Variants in CCDC102B observed in about 807,000 individuals in gnomAD.
CCDC102B encodes coiled-coil domain-containing protein 102B.
Under a neutral mutation model 57.4 loss-of-function variants are expected in CCDC102B, and 75 were observed. That is an observed-to-expected ratio of 1.31 (90% CI 1.08 to 1.58). CCDC102B has a LOEUF of 1.58. Among genes scored for constraint, CCDC102B ranks in the 40% most tolerant of loss-of-function variants. The pLI, the probability that CCDC102B is intolerant of heterozygous loss-of-function variation, is 0.00. For synonymous variants in CCDC102B, 206 were observed against 201.9 expected (o/e 1.02, Z -0.17); for missense variants, 636 against 582.6 (o/e 1.09, Z -0.94).
intron 1 of CCDC102B, among the ~76,000 whole-genome samples, chr18:68,834,208 G>C (rs2037266274): frequency 6.6e-6 from 1 of 151,938 alleles, no homozygotes; most frequent in Admixed American, 6.6e-5. Flanking sequence ...CAATGTACCA[G>C]AATCCAATTA....
intron 1 of CCDC102B, among the ~76,000 whole-genome samples, chr18:68,824,937 A>T (rs1200032615): frequency 6.6e-6 from 1 of 152,202 alleles, no homozygotes; most frequent in Non-Finnish European, 1.5e-5. Flanking sequence ...GCATAGAGAG[A>T]TAAATATATA....
chr18:69,036,075 G>A (rs1430018054), intron 7 of CCDC102B, among the ~76,000 whole-genome samples: 1 of 152,076 alleles, frequency 6.6e-6, no homozygotes, highest in African/African-American at 2.4e-5. Flanking sequence ...ATGGAAAGAT[G>A]TATTAAAATT....
intron 4 of CCDC102B, among the ~76,000 whole-genome samples, chr18:68,867,934 CA>C (rs113460287): frequency 4.8e-4 from 73 of 150,708 alleles, no homozygotes; most frequent in African/African-American, 1.7e-3. Context: ...GACTCCGTCT[CA>C]AAACAAAACA....
chr18:68,760,067 C>T (rs1223992749), intron 2 of CCDC102B, among the ~76,000 whole-genome samples: 1 of 152,054 alleles, frequency 6.6e-6, no homozygotes, highest in Admixed American at 6.6e-5. Context: ...CTTCCTTCTC[C>T]ATTCTACAGG....
At chr18:68,800,581 G>A (rs2035810178) in intron 1 of CCDC102B, among the ~76,000 whole-genome samples, 1 of 152,076 alleles carries the variant, frequency 6.6e-6, no homozygotes, top group Non-Finnish European at 1.5e-5. Context: ...CAAAGAAAAT[G>A]TCATCACTGA....
At chr18:68,730,546 G>A (rs1419305856) in intron 2 of CCDC102B, among the ~76,000 whole-genome samples, 1 of 152,202 alleles carries the variant, frequency 6.6e-6, no homozygotes, top group Non-Finnish European at 1.5e-5. Flanking sequence ...ACTTCTGTCT[G>A]CTGATAGATA....
intron 7 of CCDC102B, among the ~76,000 whole-genome samples, chr18:69,014,725 T>C (rs2051615064): frequency 1.3e-5 from 2 of 151,892 alleles, no homozygotes; most frequent in South Asian, 4.2e-4. Flanking sequence ...TGTGTGTGTA[T>C]TCTAAATTTA....
intron 6 of CCDC102B, among the ~76,000 whole-genome samples, chr18:68,948,746 A>T (rs2049609335): frequency 6.6e-6 from 1 of 152,104 alleles, no homozygotes. Flanking sequence ...TTTCTGTCAT[A>T]CATATTTAGT....
At chr18:68,735,726 C>T (rs1361604669) in intron 2 of CCDC102B, among the ~76,000 whole-genome samples, 2 of 152,172 alleles carry the variant, frequency 1.3e-5, no homozygotes, top group African/African-American at 4.8e-5. Context: ...TGCCCATATC[C>T]AGGACTCTTT....
At chr18:68,959,515 A>G (rs770315655) in intron 6 of CCDC102B, among the ~76,000 whole-genome samples, 3 of 152,082 alleles carry the variant, frequency 2.0e-5, no homozygotes, top group East Asian at 1.9e-4. Flanking sequence ...GTTATTGCCT[A>G]CATTCACTCA....
intron 1 of CCDC102B, among the ~76,000 whole-genome samples, chr18:68,832,214 G>A (rs1599532826): frequency 6.6e-6 from 1 of 152,124 alleles, no homozygotes; most frequent in Admixed American, 6.5e-5. Context: ...TCCTGCCATG[G>A]AAGTTTAACT....
At chr18:68,726,614 T>C (rs777706051) in intron 2 of CCDC102B, among the ~76,000 whole-genome samples, 2 of 152,226 alleles carry the variant, frequency 1.3e-5, no homozygotes, top group Non-Finnish European at 2.9e-5. Flanking sequence ...GCTAATTTTT[T>C]TGCAATATTA....
chr18:68,848,165 T>C (rs1051627803), intron 4 of CCDC102B, among the ~76,000 whole-genome samples: 37 of 152,040 alleles, frequency 2.4e-4, no homozygotes, highest in African/African-American at 8.9e-4. Context: ...AGAAATAGTA[T>C]TGTAGCACAA....
At chr18:68,814,713 T>A (rs1288837012) in intron 1 of CCDC102B, among the ~76,000 whole-genome samples, 1 of 152,080 alleles carries the variant, frequency 6.6e-6, no homozygotes, top group Non-Finnish European at 1.5e-5. Context: ...TCGATAAGAA[T>A]ACCTGGGTTT....
At chr18:68,912,849 A>T (rs780353390) in intron 6 of CCDC102B, among the ~76,000 whole-genome samples, 1 of 152,238 alleles carries the variant, frequency 6.6e-6, no homozygotes, top group Non-Finnish European at 1.5e-5. Flanking sequence ...CTTTACTCCA[A>T]AAGTCCATGA....
intron 2 of CCDC102B, among the ~76,000 whole-genome samples, chr18:68,728,916 G>A (rs1238066707): frequency 6.6e-6 from 1 of 151,672 alleles, no homozygotes; most frequent in East Asian, 1.9e-4. Context: ...TATTAATCAT[G>A]GATAAGGCAC....
chr18:69,055,062 G>A lies in CCDC102B; in HGVS notation c.*925G>A, dbSNP rs1003453787. ...TTTTCCATACCTATTTTCAACTGAA[G>A]GCAACTTGTAAGATTTAACTCAGTC... On this transcript the variant is annotated 3_prime_UTR_variant, in exon 8 of 8. Transcript: ENST00000360242. The A allele has an allele frequency of 2.0e-5, 20 of 983,060 alleles. No individual in the cohort carries two copies. The African/African-American group carries it at 3.3e-4, about 16-fold the overall frequency. 60.9% of individuals were successfully genotyped at this position (983,060 alleles called of 1,614,324 possible). A position where few individuals can be genotyped will look rare whatever the true frequency, so the allele number is the denominator to read the frequency against.
At chr18:68,730,952 G>T (rs911785392) in intron 2 of CCDC102B, among the ~76,000 whole-genome samples, 42 of 152,150 alleles carry the variant, frequency 2.8e-4, no homozygotes, top group African/African-American at 9.6e-4. Flanking sequence ...ATTTGGGCTG[G>T]TCATTATGGA....
chr18:68,801,317 C>G (rs1355146470), intron 1 of CCDC102B, among the ~76,000 whole-genome samples: 1 of 151,972 alleles, frequency 6.6e-6, no homozygotes, highest in African/African-American at 2.4e-5. Context: ...AGCTTGAGAC[C>G]TTGATTGTAA....
Sources: allele counts gnomAD v4.1 joint callset (sites outside exome capture counted in the v4.1 genomes callset), GRCh38; gene constraint gnomAD v4.1.1; transcripts MANE v1.5; gene names NCBI Gene and HGNC (gene_info 2026-07-23, HGNC 2026-07-21).